The following RRP12 variants were observed in gnomAD, a reference collection of about 807,000 sequenced individuals.
RRP12 encodes ribosomal RNA processing 12 homolog, also known as RRP12-like protein.
A neutral mutation model predicts 157.3 loss-of-function variants in RRP12; 78 were observed. That is an observed-to-expected ratio of 0.50 (90% CI 0.41 to 0.60). The LOEUF (loss-of-function observed/expected upper bound fraction) is 0.60, where lower values mean the gene tolerates loss of function less well. Among genes scored for constraint, RRP12 ranks in the 20% least tolerant of loss-of-function variants. The pLI is 0.00. For missense variants in RRP12, 1,521 were observed against 1,679.9 expected (o/e 0.91, Z 1.65); for synonymous variants, 726 against 670.9 (o/e 1.08, Z -1.27).
intron 3 of RRP12, among the ~76,000 whole-genome samples, chr10:97,394,534 C>A: frequency 6.6e-6 from 1 of 152,080 alleles, no homozygotes; most frequent in Non-Finnish European, 1.5e-5. Flanking sequence ...GAACTACAGG[C>A]ATGCGCCACA....
At chr10:97,361,085 C>G (rs1443933947) in intron 30 of RRP12, among the ~76,000 whole-genome samples, 1 of 152,204 alleles carries the variant, frequency 6.6e-6, no homozygotes, top group African/African-American at 2.4e-5. Flanking sequence ...CCTGGGGACA[C>G]AGGGCACAAG....
rs369333030 is a variant in RRP12, at chr10:97,401,318, T to C, written c.-87A>G. 2.6e-4 allele frequency: 388 copies of C among 1,502,410 alleles called. No homozygotes were observed. In the Middle Eastern group the frequency reaches 6.6e-3, roughly 26 times the overall value. The allele number at this position is 1,502,410 out of a possible 1,614,324, so 93.1% of individuals were successfully genotyped here. A position where few individuals can be genotyped will look rare whatever the true frequency, so the allele number is the denominator to read the frequency against. On this transcript the variant is annotated 5_prime_UTR_variant, in exon 1 of 34. Coordinates refer to ENST00000370992, the MANE Select transcript of RRP12 (RefSeq NM_015179.4). ...GCTCAGAACCCACGTGGATACCCTGTAGCCTTCACTTCCTCTTCTTCTGGC... is the reference window on the plus strand; with the variant it reads ...GCTCAGAACCCACGTGGATACCCTGCAGCCTTCACTTCCTCTTCTTCTGGC...
At chr10:97,359,833 G>A (rs1843797359) in intron 31 of RRP12, among the ~76,000 whole-genome samples, 4 of 152,214 alleles carry the variant, frequency 2.6e-5, no homozygotes, top group Non-Finnish European at 5.9e-5. Flanking sequence ...AGGTGAGCTG[G>A]CCCTGGCTCA....
chr10:97,398,004 T>C (rs1257493901), intron 2 of RRP12, among the ~76,000 whole-genome samples: 2 of 84,218 alleles, frequency 2.4e-5, no homozygotes, highest in East Asian at 3.3e-4. Flanking sequence ...TATATATATA[T>C]ACATATATAT....
At chr10:97,360,444 G>C in intron 31 of RRP12, 102 bp downstream of exon 31, 1 of 915,002 alleles carries the variant, frequency 1.1e-6, no homozygotes, top group Non-Finnish European at 1.8e-6. Flanking sequence ...GTGCAACCAG[G>C]CTGTGCACCC....
intron 17 of RRP12, 111 bp downstream of exon 17, chr10:97,373,464 C>T (rs1288947609): frequency 8.0e-7 from 1 of 1,242,364 alleles, no homozygotes; most frequent in African/African-American, 1.5e-5. Context: ...AGGATGAGCT[C>T]CAGAGGTGAG....
chr10:97,393,165 G>T, intron 4 of RRP12: 1 of 392,102 alleles, frequency 2.6e-6, no homozygotes, highest in Non-Finnish European at 5.0e-6. Context: ...GTGAACCACC[G>T]CACCAGGCCA....
In RRP12 at chr10:97,357,204, G is replaced by T. The variant is rs1364714119; in HGVS notation, c.3792-8C>A. ...TGCAGCTTCATCTTCTTCCTGCAGG[G>T]CCAAGGAACGGAAGGGTCACATCTG... On this transcript the variant is annotated splice_region_variant and splice_polypyrimidine_tract_variant and intron_variant, in intron 33 of 33. Transcript: ENST00000370992. 4.4e-6 allele frequency: 7 copies of T among 1,576,002 alleles called. No individual in the cohort carries two copies. In the Admixed American group the frequency reaches 1.0e-4, roughly 23 times the overall value.
intron 17 of RRP12, 47 bp downstream of exon 17, chr10:97,373,528 G>C (rs767884314): frequency 6.5e-7 from 1 of 1,539,154 alleles, no homozygotes; most frequent in Admixed American, 1.9e-5. Flanking sequence ...TGGGGCCAGG[G>C]ACCTGTGTCA....
At chr10:97,397,314 C>T (rs1030417529) in intron 2 of RRP12, among the ~76,000 whole-genome samples, 1 of 151,952 alleles carries the variant, frequency 6.6e-6, no homozygotes, top group African/African-American at 2.4e-5. Context: ...GCATGTGCCA[C>T]TACGCTAGGC....
chr10:97,393,278 C>A, intron 4 of RRP12: 2 of 448,920 alleles, frequency 4.5e-6, no homozygotes, highest in South Asian at 3.2e-5. Flanking sequence ...TTGATTCTGT[C>A]ATGAACACAC....
At chr10:97,381,332 G>T in intron 12 of RRP12, 54 bp downstream of exon 12, 1 of 1,326,340 alleles carries the variant, frequency 7.5e-7, no homozygotes, top group Non-Finnish European at 1.1e-6. Flanking sequence ...GTATTATATA[G>T]AACTTTCCTC....
At chr10:97,380,373 C>T (rs1234531231) in intron 13 of RRP12, among the ~76,000 whole-genome samples, 1 of 152,224 alleles carries the variant, frequency 6.6e-6, no homozygotes, top group African/African-American at 2.4e-5. Context: ...GGACTACGGT[C>T]TGCTCAGGAT....
At chr10:97,357,272 A>T (rs1843735499) in intron 33 of RRP12, 76 bp from the exon 34 acceptor site, 3 of 911,272 alleles carry the variant, frequency 3.3e-6, no homozygotes, top group Admixed American at 2.3e-5. Context: ...ATGATGGCTC[A>T]CCCCCAGCGC....
At chr10:97,386,039 G>T in intron 8 of RRP12, 46 bp from the exon 9 acceptor site, 2 of 1,348,474 alleles carry the variant, frequency 1.5e-6, no homozygotes, top group Non-Finnish European at 2.1e-6. Context: ...AAAGCCCACG[G>T]CTGGCCCTGG....
At chr10:97,374,598 C>T (rs574555137) in intron 15 of RRP12, among the ~76,000 whole-genome samples, 2 of 151,774 alleles carry the variant, frequency 1.3e-5, no homozygotes, top group South Asian at 4.2e-4. Context: ...TGGTGAAACC[C>T]CGTCTCTACT....
intron 15 of RRP12, 142 bp downstream of exon 15, chr10:97,379,151 T>C: frequency 1.0e-6 from 1 of 1,002,192 alleles, no homozygotes; most frequent in Non-Finnish European, 1.5e-6. Context: ...CAGCACTGGC[T>C]GGCCACCTGC....
chr10:97,370,942 G>A lies in RRP12; in HGVS notation c.2483C>T (p.Thr828Ile). 6.2e-7 allele frequency: 1 copy of A among 1,614,044 alleles called. No homozygotes were observed. Among genetic ancestry groups the A allele is most frequent in the Non-Finnish European group, 8.5e-7 (1 of 1,179,976 alleles). ...CCTCACCCTCTTGGCGGGTGAGGAGGTGCTCCGCAGCGAGTCCAGCAGTGT... is the reference window on the plus strand; with the variant it reads ...CCTCACCCTCTTGGCGGGTGAGGAGATGCTCCGCAGCGAGTCCAGCAGTGT... ...KKTLLDSLRSTSSPAKRPRLK... is the reference protein window; with the variant it reads ...KKTLLDSLRSISSPAKRPRLK... Residue 828 changes from threonine to isoleucine, a missense_variant, in exon 21 of 34, where the codon ACC (threonine) becomes ATC (isoleucine). Transcript: ENST00000370992.
chr10:97,382,186 CTT>C (rs112456718), intron 10 of RRP12, among the ~76,000 whole-genome samples: 5 of 149,290 alleles, frequency 3.3e-5, no homozygotes. Flanking sequence ...CTTCTGCTAA[CTT>C]TTTTTTTTTT....
Sources: gnomAD v4.1 joint callset for allele counts (sites outside exome capture counted in the v4.1 genomes callset) on GRCh38, gnomAD v4.1.1 for gene constraint, MANE v1.5 for transcripts, NCBI Gene and HGNC (gene_info 2026-07-23, HGNC 2026-07-21) for gene names.